The following AGAP1 variants were observed in gnomAD, a reference collection of about 807,000 sequenced individuals.
AGAP1 encodes the protein ArfGAP with GTPase domain, ankyrin repeat and PH domain 1.
A neutral mutation model predicts 105.3 loss-of-function variants in AGAP1; 29 were observed. The ratio of observed to expected loss-of-function variants is 0.28; its 90% CI spans 0.21 to 0.38. AGAP1 has a LOEUF of 0.38. Among genes scored for constraint, AGAP1 ranks in the 10% least tolerant of loss-of-function variants. The probability of loss-of-function intolerance (pLI) is 1.00; values close to 1 mark genes in which losing one functional copy is unlikely to be tolerated. For synonymous variants in AGAP1, 509 were observed against 485.9 expected, an observed-to-expected ratio of 1.05 and a Z score of -0.63; for missense variants, 998 against 1,165.1, an observed-to-expected ratio of 0.86 and a Z score of 2.09.
At chr2:235,650,818 T>C (rs1947558403) in intron 1 of AGAP1, among the ~76,000 whole-genome samples, 2 of 152,184 alleles carry the variant, frequency 1.3e-5, no homozygotes. Context: ...AGAGCTAGTA[T>C]GTGCTCTGAA....
rs563385065 is a variant in AGAP1, at chr2:235,766,525, T to G, written c.673+16037T>G. 3.9e-5 allele frequency among the ~76,000 whole-genome samples: 6 copies of G among 152,232 alleles called. No individual in the cohort carries two copies. In the South Asian group the frequency reaches 1.2e-3, roughly 32 times the overall value. ...CATTTAGACCTGTAATAAGATACAC[T>G]CCGTAAAGCGTGTGAAGTTACTGGA... On this transcript the variant is annotated intron_variant, in intron 6 of 17. Coordinates refer to ENST00000304032, the MANE Select transcript of AGAP1 (RefSeq NM_001037131.3).
rs1301887846 is a variant in AGAP1 at position 235,555,384 on chromosome 2, T to A, written c.163+60535T>A. Among the ~76,000 whole-genome samples the A allele has an allele frequency of 6.6e-6, 1 of 152,178 alleles. No homozygotes were observed. Among genetic ancestry groups the A allele is most frequent in the Non-Finnish European group, 1.5e-5 (1 of 68,042 alleles). ...GCACAGGAAGATGCTCATAGATGGC[T>A]GGTTCCTGCCAGTGACACACGTGGA... On this transcript the variant is annotated intron_variant, in intron 1 of 17. Coordinates refer to ENST00000304032, the MANE Select transcript of AGAP1 (RefSeq NM_001037131.3). This position sits in a 1 kb window ranked among gnomAD's most constrained non-coding sequence, Gnocchi z 5.1.
chr2:236,067,355 G>GT lies in AGAP1; in HGVS notation c.2114+18081dup, dbSNP rs374238754. Among the ~76,000 whole-genome samples the GT allele has an allele frequency of 2.0e-3, 304 of 152,240 alleles. 1 individual carries two copies. Among genetic ancestry groups the GT allele is most frequent in the African/African-American group, 6.9e-3 (288 of 41,534 alleles). On this transcript the variant is annotated intron_variant, in intron 16 of 17. Transcript: ENST00000304032. ...AGTTCTAAATAGAAGTCATCTATTA[G>GT]TTTTTTTAAGGAAAAATCACTACGC... is the stretch of plus-strand genomic sequence containing the variant.
intron 1 of AGAP1, among the ~76,000 whole-genome samples, chr2:235,647,873 T>C (rs937022826): frequency 2.6e-5 from 4 of 152,202 alleles, no homozygotes; most frequent in Middle Eastern, 6.8e-3. Flanking sequence ...TTCCTTGTCC[T>C]TACTGTAGAC....
chr2:235,516,473 T>C (rs1942391063), intron 1 of AGAP1, among the ~76,000 whole-genome samples: 1 of 152,174 alleles, frequency 6.6e-6, no homozygotes, highest in African/African-American at 2.4e-5. Context: ...GCAGCTTCTT[T>C]CTAGCTGTGT....
intron 1 of AGAP1, among the ~76,000 whole-genome samples, chr2:235,561,731 A>G (rs1944159167): frequency 6.6e-6 from 1 of 152,198 alleles, no homozygotes; most frequent in Non-Finnish European, 1.5e-5. Context: ...CCTTTTGTGG[A>G]TTAGAACTGT....
At chr2:235,563,094 CT>C (rs1206877711) in intron 1 of AGAP1, among the ~76,000 whole-genome samples, 1 of 152,090 alleles carries the variant, frequency 6.6e-6, no homozygotes, top group African/African-American at 2.4e-5. Flanking sequence ...TCGCTTTGCC[CT>C]GGGGCTGCTG....
At position 235,673,168 on chromosome 2, in the gene AGAP1, G is replaced by T. The variant is rs1261674423; in HGVS notation, c.164-36011G>T. On this transcript the variant is annotated intron_variant, in intron 1 of 17. Coordinates refer to ENST00000304032, the MANE Select transcript of AGAP1 (RefSeq NM_001037131.3). ...TCAATATTCTTAGGATTTTGGTGAT[G>T]CCAGTGTCTGTTACAGGTAAAAGGT... Among the ~76,000 whole-genome samples the T allele has an allele frequency of 2.0e-5, 3 of 152,320 alleles. No individual in the cohort carries two copies. In the East Asian group the frequency reaches 5.8e-4, roughly 29 times the overall value.
chr2:235,811,583 C>T (rs1161717871), intron 9 of AGAP1, among the ~76,000 whole-genome samples: 2 of 152,206 alleles, frequency 1.3e-5, no homozygotes, highest in African/African-American at 2.4e-5. Flanking sequence ...GATTATTCCC[C>T]GTCCCTGGTT....
chr2:235,762,977 A>G (rs559404235), intron 6 of AGAP1, among the ~76,000 whole-genome samples: 3 of 151,592 alleles, frequency 2.0e-5, no homozygotes, highest in South Asian at 2.1e-4. Context: ...GATATAAAAT[A>G]TGGAAATAAA....
Position 235,962,051 on chromosome 2 carries a change from T to G in AGAP1, c.1484-6411T>G, listed in dbSNP as rs187626771. Among the ~76,000 whole-genome samples, 81 of 106,094 alleles carry G rather than the reference T, an allele frequency of 7.6e-4. No homozygotes were observed. Among genetic ancestry groups the G allele is most frequent in the Middle Eastern group, 3.9e-3 (1 of 256 alleles). 69.6% of individuals were successfully genotyped at this position (106,094 alleles called of 152,430 possible). A position where few individuals can be genotyped will look rare whatever the true frequency, so the allele number is the denominator to read the frequency against. ...GATGGATGCTTTTGGTTTTTGGTTT[T>G]GTTTTGTTTTGTTTTGTTTTGTTTT... On this transcript the variant is annotated intron_variant, in intron 12 of 17. Coordinates refer to ENST00000304032, the MANE Select transcript of AGAP1 (RefSeq NM_001037131.3). The surrounding 1 kb of genome is among the most constrained non-coding windows in gnomAD (Gnocchi z 5.3).
rs2059711169 is a variant in AGAP1, at chr2:236,113,953, A to T, written c.2115-6239A>T. Among the ~76,000 whole-genome samples, 1 of 151,858 alleles carries T rather than the reference A, an allele frequency of 6.6e-6. No homozygotes were observed. The highest frequency in any genetic ancestry group is 1.5e-5 in the Non-Finnish European group (1 of 67,966). ...CGCCTGAAATGTACCTTTTCTTTTT[A>T]TTTTGGGGATTGGGTCAGTGCCTTT... On this transcript the variant is annotated intron_variant, in intron 16 of 17. Transcript: ENST00000304032. The surrounding 1 kb of genome is among the most constrained non-coding windows in gnomAD (Gnocchi z 4.3).
chr2:235,752,984 G>C lies in AGAP1; in HGVS notation c.673+2496G>C, dbSNP rs1480983126. Among the ~76,000 whole-genome samples the C allele has an allele frequency of 6.6e-6, 1 of 152,180 alleles. No homozygotes were observed. The highest frequency in any genetic ancestry group is 1.5e-5 in the Non-Finnish European group (1 of 68,044). ...CTAGTGGGATATGTGTTTGCATAGT[G>C]GAGAACAGAGGACACAAGCCCTCGC... On this transcript the variant is annotated intron_variant, in intron 6 of 17. Coordinates refer to ENST00000304032, the MANE Select transcript of AGAP1 (RefSeq NM_001037131.3). This position sits in a 1 kb window ranked among gnomAD's most constrained non-coding sequence, Gnocchi z 4.3.
chr2:235,528,211 C>T (rs1414464621), intron 1 of AGAP1, among the ~76,000 whole-genome samples: 1 of 152,014 alleles, frequency 6.6e-6, no homozygotes, highest in Non-Finnish European at 1.5e-5. Flanking sequence ...TCCCCATCCC[C>T]CCCACATTCA....
chr2:235,603,282 C>T (rs1945799033), intron 1 of AGAP1, among the ~76,000 whole-genome samples: 1 of 152,168 alleles, frequency 6.6e-6, no homozygotes, highest in Non-Finnish European at 1.5e-5. Context: ...TGTGAGGCCT[C>T]CCCAGCCACT....
intron 1 of AGAP1, among the ~76,000 whole-genome samples, chr2:235,514,907 A>G (rs778334886): frequency 1.3e-5 from 2 of 152,214 alleles, no homozygotes; most frequent in Non-Finnish European, 2.9e-5. Context: ...CAGATGTTCA[A>G]TGACTCATGT....
chr2:235,710,197 C>T (rs2696414), intron 2 of AGAP1, among the ~76,000 whole-genome samples: 2,776 of 152,294 alleles, frequency 0.018, 33 homozygotes, highest in Non-Finnish European at 0.029. Flanking sequence ...CCACTGACCC[C>T]AACCTCATTG....
chr2:235,795,416 A>G (rs1472611679), intron 6 of AGAP1, among the ~76,000 whole-genome samples: 1 of 152,206 alleles, frequency 6.6e-6, no homozygotes, highest in African/African-American at 2.4e-5. Context: ...TGGGGGAGAC[A>G]TGGGCAGACA....
chr2:235,528,240 G>A (rs1942916779), intron 1 of AGAP1, among the ~76,000 whole-genome samples: 1 of 151,598 alleles, frequency 6.6e-6, no homozygotes, highest in African/African-American at 2.4e-5. Flanking sequence ...CATCTGAGGG[G>A]GAACCTGGCC....
Sources: allele counts gnomAD v4.1 joint callset (sites outside exome capture counted in the v4.1 genomes callset), GRCh38; gene constraint gnomAD v4.1.1; non-coding constraint Gnocchi (gnomAD v3.1); transcripts MANE v1.5; gene names NCBI Gene and HGNC (gene_info 2026-07-23, HGNC 2026-07-21).